The following RAB11FIP4 variants were observed in gnomAD, a reference collection of about 807,000 sequenced individuals.
RAB11FIP4 encodes RAB11 family interacting protein 4, also known as rab11 family-interacting protein 4.
In RAB11FIP4, 23 loss-of-function variants were observed where a neutral mutation model predicts 74.3. That is an observed-to-expected ratio of 0.31 (90% CI 0.22 to 0.44). RAB11FIP4 has a LOEUF of 0.44. RAB11FIP4 is among the 20% of genes least tolerant of loss of function. The pLI is 1.00. For synonymous variants in RAB11FIP4, 360 were observed against 359.9 expected (o/e 1.00, Z 0.00); for missense variants, 630 against 863.9 (o/e 0.73, Z 3.39).
chr17:31,450,664 A>G (rs1232863748), intron 3 of RAB11FIP4, among the ~76,000 whole-genome samples: 1 of 151,656 alleles, frequency 6.6e-6, no homozygotes, highest in African/African-American at 2.4e-5. Context: ...CCTCACCCCT[A>G]TGCTTCCTGC....
intron 3 of RAB11FIP4, among the ~76,000 whole-genome samples, chr17:31,508,123 C>T (rs775071526): frequency 1.8e-4 from 27 of 152,208 alleles, no homozygotes; most frequent in Non-Finnish European, 2.6e-4. Context: ...CCACTGTGCC[C>T]GGCCCGTTTT....
intron 3 of RAB11FIP4, among the ~76,000 whole-genome samples, chr17:31,464,920 C>G (rs1456491860): frequency 2.0e-5 from 3 of 151,650 alleles, no homozygotes; most frequent in Non-Finnish European, 4.4e-5. Context: ...ACCATCATGC[C>G]TGGCTGATTT....
In RAB11FIP4 at chr17:31,512,401, C is replaced by T. The variant is rs1016776681; in HGVS notation, c.337-5250C>T. Among the ~76,000 whole-genome samples, 2 of 152,192 alleles carry T rather than the reference C, an allele frequency of 1.3e-5. No homozygotes were observed. The highest frequency in any genetic ancestry group is 2.9e-5 in the Non-Finnish European group (2 of 68,012). On this transcript the variant is annotated intron_variant, in intron 3 of 14. Transcript: ENST00000621161. This position sits in a 1 kb window ranked among gnomAD's most constrained non-coding sequence, Gnocchi z 4.1. ...GGCTGGGCCAGCAGGGCCGGAAACC[C>T]AGACTGCTAGGCCCCAGAGCTGAGC...
At chr17:31,471,408 C>T (rs946013022) in intron 3 of RAB11FIP4, among the ~76,000 whole-genome samples, 1 of 152,076 alleles carries the variant, frequency 6.6e-6, no homozygotes, top group African/African-American at 2.4e-5. Flanking sequence ...AATATTTGGT[C>T]ACATATCAGT....
At chr17:31,411,784 A>C (rs930723723) in intron 1 of RAB11FIP4, among the ~76,000 whole-genome samples, 8 of 152,230 alleles carry the variant, frequency 5.3e-5, no homozygotes, top group Non-Finnish European at 7.3e-5. Flanking sequence ...ACGGGCCCTG[A>C]GGAATTTGCT....
At chr17:31,523,182 A>C in intron 7 of RAB11FIP4, 3 of 363,526 alleles carry the variant, frequency 8.3e-6, no homozygotes, top group East Asian at 5.3e-5. Flanking sequence ...CCCCACTGGA[A>C]GAGGAGGGGG....
chr17:31,478,817 C>T (rs1013232295), intron 3 of RAB11FIP4, among the ~76,000 whole-genome samples: 17 of 152,230 alleles, frequency 1.1e-4, no homozygotes, highest in African/African-American at 4.1e-4. Flanking sequence ...AAATCATAGA[C>T]ACCTGATGTG....
At chr17:31,439,233 A>G (rs1764754922) in intron 3 of RAB11FIP4, among the ~76,000 whole-genome samples, 1 of 152,258 alleles carries the variant, frequency 6.6e-6, no homozygotes, top group Admixed American at 6.5e-5. Flanking sequence ...GGTATCTGGA[A>G]GCAGAATTGC....
intron 14 of RAB11FIP4, chr17:31,531,064 C>T (rs2069933081): frequency 6.3e-6 from 1 of 158,474 alleles, no homozygotes; most frequent in African/African-American, 2.4e-5. Context: ...TTACAAGACA[C>T]TCTGTCACTG....
At chr17:31,407,438 T>C (rs1277824348) in intron 1 of RAB11FIP4, among the ~76,000 whole-genome samples, 1 of 152,206 alleles carries the variant, frequency 6.6e-6, no homozygotes, top group African/African-American at 2.4e-5. Context: ...CCATTTTCAG[T>C]AGATGAAAGA....
At position 31,536,921 on chromosome 17, in the gene RAB11FIP4, C is replaced by G. The variant is rs1268833654; in HGVS notation, c.*5189C>G. 2 of 398,930 alleles carry G rather than the reference C, an allele frequency of 5.0e-6. No homozygotes were observed. The highest frequency in any genetic ancestry group is 4.4e-6 in the Non-Finnish European group (1 of 226,094). The allele number at this position is 398,930 out of a possible 1,614,324, so 24.7% of individuals were successfully genotyped here. A position where few individuals can be genotyped will look rare whatever the true frequency, so the allele number is the denominator to read the frequency against. The stretch of plus-strand genomic sequence containing the variant: ...CCAGGCGAGGTTTCCCATATGACCT[C>G]CCTGCCCCGACCTCGTAGGTTGCTC... On this transcript the variant is annotated 3_prime_UTR_variant, in exon 15 of 15. Transcript: ENST00000621161.
At chr17:31,402,827 G>GT (rs1297367411) in intron 1 of RAB11FIP4, among the ~76,000 whole-genome samples, 2 of 151,068 alleles carry the variant, frequency 1.3e-5, no homozygotes, top group Non-Finnish European at 3.0e-5. Context: ...GGGTTTCACC[G>GT]TGTTAGCCAG....
intron 3 of RAB11FIP4, among the ~76,000 whole-genome samples, chr17:31,445,530 T>TATATATATATATATA (rs2071443149): frequency 2.7e-5 from 1 of 36,760 alleles, no homozygotes; most frequent in Non-Finnish European, 4.5e-5. Flanking sequence ...ATTTTCCCAA[T>TATATATATATATATA]TTTATATATA....
At chr17:31,516,741 ACAGGCGTG>A (rs1426117960) in intron 3 of RAB11FIP4, among the ~76,000 whole-genome samples, 1 of 152,256 alleles carries the variant, frequency 6.6e-6, no homozygotes, top group Non-Finnish European at 1.5e-5. Context: ...TGCTGGGATT[ACAGGCGTG>A]AGCCACCGTG....
rs2072707049 is a variant in RAB11FIP4 at position 31,523,512 on chromosome 17, G to A, written c.930G>A (p.Arg310=). 2 of 1,613,414 alleles carry A rather than the reference G, an allele frequency of 1.2e-6. No homozygotes were observed. Among genetic ancestry groups the A allele is most frequent in the African/African-American group, 2.7e-5 (2 of 74,892 alleles). Residue 310 remains arginine (R), a splice_region_variant and synonymous_variant, in exon 8 of 15, where the codon CGG becomes CGA. Transcript: ENST00000621161. ...NRKISSTAFG[R]QLMHSSNFSS... is the part of the protein sequence containing the mutation. ...AGACACCCTCCTCCCACCCCTGCAG[G>A]CAGCTCATGCACAGCAGCAACTTCA...
intron 3 of RAB11FIP4, among the ~76,000 whole-genome samples, chr17:31,505,446 T>A (rs369544563): frequency 1.3e-5 from 1 of 79,056 alleles, no homozygotes; most frequent in African/African-American, 6.4e-5. Context: ...TTATATAATA[T>A]ATAATAATTA....
At chr17:31,524,973 C>A in intron 9 of RAB11FIP4, 117 bp from the exon 10 acceptor site, 1 of 1,241,846 alleles carries the variant, frequency 8.1e-7, no homozygotes, top group Non-Finnish European at 1.1e-6. Flanking sequence ...GGCCCACACG[C>A]CCTCAGTGGA....
chr17:31,482,586 AAAAG>A (rs1245841775), intron 3 of RAB11FIP4, among the ~76,000 whole-genome samples: 1 of 150,852 alleles, frequency 6.6e-6, no homozygotes, highest in Non-Finnish European at 1.5e-5. Context: ...GGGAGACTCT[AAAAG>A]AAAAAAAAAG....
intron 2 of RAB11FIP4, 108 bp downstream of exon 2, chr17:31,432,008 A>G: frequency 1.2e-6 from 1 of 827,586 alleles, no homozygotes; most frequent in South Asian, 1.7e-5. Context: ...GGGGTCCCAG[A>G]GCCCAGGATG....
Sources: gnomAD v4.1 joint callset for allele counts (sites outside exome capture counted in the v4.1 genomes callset) on GRCh38, gnomAD v4.1.1 for gene constraint, Gnocchi (gnomAD v3.1) non-coding constraint, MANE v1.5 for transcripts, NCBI Gene and HGNC (gene_info 2026-07-23, HGNC 2026-07-21) for gene names.